RBL1: variants seen among roughly 807,000 people sequenced by gnomAD.
RBL1 encodes RB transcriptional corepressor like 1.
RBL1 carries 82 observed loss-of-function variants against 123.0 expected under a neutral mutation model. The observed-to-expected ratio is 0.67, with a 90% CI of 0.56 to 0.80. The LOEUF is 0.80. Ranked by LOEUF, RBL1 falls within the 30% of genes least tolerant of loss-of-function variation. The pLI is 0.00. For synonymous variants in RBL1, 405 were observed against 441.3 expected (o/e 0.92, Z 1.03); for missense variants, 1,171 against 1,299.6 (o/e 0.90, Z 1.52).
In RBL1 at chr20:37,002,336, G is replaced by GTTTTTT. The variant is rs965408801; in HGVS notation, c.3036+1360_3036+1365dup. ...TGAGCCACCGTGCCTAGCCTTATCTGTTTTTTTTTTTTTTTTTTTTTTTTG... is the reference window on the plus strand; with the variant it reads ...TGAGCCACCGTGCCTAGCCTTATCTGTTTTTTTTTTTTTTTTTTTTTTTTTTTTTTG... On this transcript the variant is annotated intron_variant, in intron 21 of 21. Coordinates refer to ENST00000373664, the MANE Select transcript of RBL1 (RefSeq NM_002895.5). Among the ~76,000 whole-genome samples, 50 of 76,346 alleles carry GTTTTTT rather than the reference G, an allele frequency of 6.5e-4. 1 individual carries two copies. The highest frequency in any genetic ancestry group is 4.2e-3 in the East Asian group (6 of 1,440). The allele number at this position is 76,346 out of a possible 152,430, so 50.1% of individuals were successfully genotyped here. A position where few individuals can be genotyped will look rare whatever the true frequency, so the allele number is the denominator to read the frequency against.
intron 16 of RBL1, among the ~76,000 whole-genome samples, chr20:37,030,631 G>A (rs886577271): frequency 6.6e-6 from 1 of 152,060 alleles, no homozygotes; most frequent in Non-Finnish European, 1.5e-5. Context: ...AAGGTGGGTG[G>A]ATCACCTGAG....
intron 2 of RBL1, among the ~76,000 whole-genome samples, chr20:37,076,844 T>G (rs1324109816): frequency 1.3e-5 from 2 of 152,204 alleles, no homozygotes. Context: ...CTTTTCACTT[T>G]GAAATACCAT....
intron 19 of RBL1, among the ~76,000 whole-genome samples, chr20:37,016,374 A>G (rs540930794): frequency 5.9e-5 from 9 of 152,014 alleles, no homozygotes; most frequent in Non-Finnish European, 1.3e-4. Context: ...AAGGCTCCAG[A>G]ATAATACACT....
rs1339946072 is a variant in RBL1, at chr20:36,998,279, G to A, written c.*480C>T. On this transcript the variant is annotated 3_prime_UTR_variant, in exon 22 of 22. Coordinates refer to ENST00000373664, the MANE Select transcript of RBL1 (RefSeq NM_002895.5). ...TTTTACTCTTGTTGCCCAGGCTGGA[G>A]TGCAGTGGCGCAACCTTGGCTCACC... 1 of 152,052 alleles carries A rather than the reference G, an allele frequency of 6.6e-6. No individual in the cohort carries two copies. The highest frequency in any genetic ancestry group is 1.5e-5 in the Non-Finnish European group (1 of 68,048). 9.4% of individuals were successfully genotyped at this position (152,052 alleles called of 1,614,324 possible).
At chr20:37,083,095 ATTTT>A (rs1258575037) in intron 2 of RBL1, among the ~76,000 whole-genome samples, 2 of 152,218 alleles carry the variant, frequency 1.3e-5, no homozygotes, top group South Asian at 2.1e-4. Context: ...ATCATTTGAA[ATTTT>A]TGTTTATTTC....
intron 14 of RBL1, among the ~76,000 whole-genome samples, chr20:37,037,502 T>C (rs773657048): frequency 1.3e-5 from 2 of 151,964 alleles, no homozygotes; most frequent in Non-Finnish European, 2.9e-5. Context: ...AGTTTTAAAT[T>C]ATAGTATACT....
intron 2 of RBL1, among the ~76,000 whole-genome samples, chr20:37,083,121 A>G (rs1255466320): frequency 6.6e-6 from 1 of 152,232 alleles, no homozygotes; most frequent in Non-Finnish European, 1.5e-5. Context: ...CTGAATGAAC[A>G]CATTGATGCT....
At chr20:37,001,681 T>G (rs932641550) in intron 21 of RBL1, among the ~76,000 whole-genome samples, 23 of 145,468 alleles carry the variant, frequency 1.6e-4, no homozygotes, top group Non-Finnish European at 3.2e-4. Flanking sequence ...ACTTATCTGC[T>G]GACCTTCCCT....
At position 37,035,311 on chromosome 20, in the gene RBL1, T is replaced by A. The variant is rs753317701; in HGVS notation, c.2101A>T (p.Thr701Ser). The A allele has an allele frequency of 6.2e-6, 10 of 1,613,862 alleles. No individual in the cohort carries two copies. The highest frequency in any genetic ancestry group is 6.8e-6 in the Non-Finnish European group (8 of 1,179,894). Residue 701 changes from threonine (T) to serine (S), a missense_variant, in exon 15 of 22, where the codon ACT becomes TCT. Physicochemically the swap from Thr to Ser is moderately conservative, Grantham distance 58 (BLOSUM62 1). Coordinates refer to ENST00000373664, the MANE Select transcript of RBL1 (RefSeq NM_002895.5). ...GGGGCTGTGGCCATTGTTAGAAGAGTTTGACCAGGTAAAATTGATACATTT... is the reference window on the plus strand; with the variant it reads ...GGGGCTGTGGCCATTGTTAGAAGAGATTGACCAGGTAAAATTGATACATTT... ...AENVSILPGQ[T>S]LLTMATAPVT...
At chr20:37,013,401 A>G (rs2146213401) in intron 19 of RBL1, among the ~76,000 whole-genome samples, 1 of 151,338 alleles carries the variant, frequency 6.6e-6, no homozygotes, top group South Asian at 2.1e-4. Context: ...CATGCTCGTT[A>G]AAAGTCATCA....
chr20:37,020,835 CCAT>C, intron 17 of RBL1, 105 bp from the exon 18 acceptor site: 1 of 684,986 alleles, frequency 1.5e-6, no homozygotes, highest in Non-Finnish European at 2.5e-6. Context: ...TTGCAGAAAA[CCAT>C]TAACCCCAGG....
At position 37,095,935 on chromosome 20, in the gene RBL1, A is replaced by C. The variant is rs944187042; in HGVS notation, c.-7T>G. 3.2e-6 allele frequency: 5 copies of C among 1,545,936 alleles called. No individual in the cohort carries two copies. The highest frequency in any genetic ancestry group is 3.7e-5 in the Admixed American group (2 of 53,380). ...GGGGCTTGTCCTCGAACATCCCTTC[A>C]GGCCCCGCGGGCTGCGCGCCACGGC... is the stretch of plus-strand genomic sequence containing the variant. On this transcript the variant is annotated 5_prime_UTR_variant, in exon 1 of 22. Transcript: ENST00000373664.
chr20:37,072,285 A>C (rs1211477923), intron 2 of RBL1, among the ~76,000 whole-genome samples: 1 of 152,216 alleles, frequency 6.6e-6, no homozygotes, highest in African/African-American at 2.4e-5. Flanking sequence ...CCTGACCAAC[A>C]TGGAGAAACC....
chr20:37,010,552 A>G (rs557381603), intron 19 of RBL1, among the ~76,000 whole-genome samples: 1 of 152,214 alleles, frequency 6.6e-6, no homozygotes, highest in Non-Finnish European at 1.5e-5. Context: ...TGGATGGTAT[A>G]GTATATTGCT....
At chr20:37,079,472 T>G in intron 2 of RBL1, among the ~76,000 whole-genome samples, 1 of 147,982 alleles carries the variant, frequency 6.8e-6, no homozygotes, top group South Asian at 2.1e-4. Flanking sequence ...AGCATTTTTT[T>G]TTTTTTTTTT....
At chr20:37,059,055 AT>A (rs1440600395) in intron 9 of RBL1, among the ~76,000 whole-genome samples, 6 of 151,802 alleles carry the variant, frequency 4.0e-5, no homozygotes, top group Non-Finnish European at 5.9e-5. Flanking sequence ...TTGTGTCTAG[AT>A]TTTTTTTCTT....
At chr20:37,012,969 G>A (rs1304159795) in intron 19 of RBL1, among the ~76,000 whole-genome samples, 3 of 151,348 alleles carry the variant, frequency 2.0e-5, no homozygotes, top group Admixed American at 2.0e-4. Context: ...GAGGTGGGGG[G>A]GTCAGCCCCC....
In RBL1 at chr20:37,014,474, G is replaced by A. The variant is rs142164123; in HGVS notation, c.2722+3805C>T. 5.4e-3 allele frequency among the ~76,000 whole-genome samples: 829 copies of A among 152,118 alleles called. 11 individuals are homozygous for A. Among genetic ancestry groups the A allele is most frequent in the East Asian group, 0.032 (165 of 5,166 alleles). On this transcript the variant is annotated intron_variant, in intron 19 of 21. Coordinates refer to ENST00000373664, the MANE Select transcript of RBL1 (RefSeq NM_002895.5). Reference sequence around the variant, plus strand: ...ACAGGATCTGTAACAATGGTTGTTTGCTTACTTGCTAATAAATATATCTAG... The same window carrying A: ...ACAGGATCTGTAACAATGGTTGTTTACTTACTTGCTAATAAATATATCTAG...
chr20:37,032,933 CTA>C (rs2032983387), intron 15 of RBL1, 57 bp from the exon 16 acceptor site: 1 of 1,589,698 alleles, frequency 6.3e-7, no homozygotes, highest in South Asian at 1.1e-5. Flanking sequence ...AAGTTGTCAA[CTA>C]TATATATTTT....
Sources: gnomAD v4.1 joint callset for allele counts (sites outside exome capture counted in the v4.1 genomes callset) on GRCh38, gnomAD v4.1.1 for gene constraint, MANE v1.5 for transcripts, NCBI Gene and HGNC (gene_info 2026-07-23, HGNC 2026-07-21) for gene names.